The following SIPA1L3 variants were observed in gnomAD, a reference collection of about 807,000 sequenced individuals.
The protein encoded by SIPA1L3 is signal-induced proliferation-associated 1-like protein 3.
A neutral mutation model predicts 150.1 loss-of-function variants in SIPA1L3; 59 were observed. That is an observed-to-expected ratio of 0.39 (90% CI 0.32 to 0.49). The LOEUF is 0.49. Ranked by LOEUF, SIPA1L3 falls within the 20% of genes least tolerant of loss-of-function variation. SIPA1L3 has a pLI of 0.86. For missense variants in SIPA1L3, 2,211 were observed against 2,489.5 expected, an observed-to-expected ratio of 0.89 and a Z score of 2.38; for synonymous variants, 1,070 against 1,077.6, an observed-to-expected ratio of 0.99 and a Z score of 0.14.
intron 2 of SIPA1L3, among the ~76,000 whole-genome samples, chr19:38,056,023 C>T (rs188014092): frequency 2.0e-5 from 3 of 152,362 alleles, no homozygotes; most frequent in African/African-American, 4.8e-5. Context: ...CCCTCCCGCT[C>T]GAGTCTGAAC....
chr19:38,085,395 G>T (rs923651657), intron 3 of SIPA1L3, among the ~76,000 whole-genome samples: 3 of 150,882 alleles, frequency 2.0e-5, no homozygotes, highest in Non-Finnish European at 4.4e-5. Context: ...CAGGAGAATG[G>T]CATGAACCCG....
chr19:38,114,870 C>T (rs1359357255), intron 8 of SIPA1L3, among the ~76,000 whole-genome samples: 1 of 152,156 alleles, frequency 6.6e-6, no homozygotes, highest in Non-Finnish European at 1.5e-5. Flanking sequence ...CGCAGTAGCT[C>T]CCACACTGGT....
chr19:38,137,134 G>GC (rs1568570090), intron 10 of SIPA1L3, among the ~76,000 whole-genome samples: 3 of 152,152 alleles, frequency 2.0e-5, no homozygotes, highest in African/African-American at 7.2e-5. Flanking sequence ...CAGCCATCTG[G>GC]CCCCGCAGCC....
rs1973211790 is a variant in SIPA1L3, at chr19:38,206,301, T to C, written c.*61T>C. Reference sequence around the variant, plus strand: ...TCAGGCCGTGGCCCTGCTGCCTCTCTCCCTCCACTCAGCTCCCAGCTGCCG... The same window carrying C: ...TCAGGCCGTGGCCCTGCTGCCTCTCCCCCTCCACTCAGCTCCCAGCTGCCG... On this transcript the variant is annotated 3_prime_UTR_variant, in exon 22 of 22. Transcript: ENST00000222345. 1 of 1,482,608 alleles carries C rather than the reference T, an allele frequency of 6.7e-7. No homozygotes were observed. The highest frequency in any genetic ancestry group is 1.4e-5 in the African/African-American group (1 of 71,576). The allele number at this position is 1,482,608 out of a possible 1,614,324, so 91.8% of individuals were successfully genotyped here. A position where few individuals can be genotyped will look rare whatever the true frequency, so the allele number is the denominator to read the frequency against.
At chr19:37,993,519 G>C (rs1377510501) in intron 1 of SIPA1L3, among the ~76,000 whole-genome samples, 3 of 152,114 alleles carry the variant, frequency 2.0e-5, no homozygotes, top group African/African-American at 7.2e-5. Flanking sequence ...TTTTAGTAGA[G>C]ACAGCGTTTC....
intron 12 of SIPA1L3, among the ~76,000 whole-genome samples, chr19:38,151,065 C>A (rs1388694750): frequency 1.3e-5 from 2 of 152,198 alleles, no homozygotes; most frequent in East Asian, 1.9e-4. Flanking sequence ...TCTCTTCCAC[C>A]ATCAGAGTGG....
intron 1 of SIPA1L3, among the ~76,000 whole-genome samples, chr19:38,007,315 T>C (rs1967968900): frequency 6.6e-6 from 1 of 151,890 alleles, no homozygotes; most frequent in Non-Finnish European, 1.5e-5. Context: ...TAGCCAGGCG[T>C]GATGGCACGC....
Position 38,122,026 on chromosome 19 carries a change from G to C in SIPA1L3, c.2868+2144G>C, listed in dbSNP as rs527935476. Among the ~76,000 whole-genome samples the C allele has an allele frequency of 3.3e-5, 5 of 151,802 alleles. No homozygotes were observed. In the South Asian group the frequency reaches 8.3e-4, roughly 25 times the overall value. Reference sequence around the variant, plus strand: ...ATTTCAGGTCAGGGGTTCAAGACCAGCCTGGCCAACATGGTAAAACCTCAT... The same window carrying C: ...ATTTCAGGTCAGGGGTTCAAGACCACCCTGGCCAACATGGTAAAACCTCAT... On this transcript the variant is annotated intron_variant, in intron 9 of 21. Transcript: ENST00000222345.
At chr19:38,100,942 G>A (rs987429443) in intron 5 of SIPA1L3, 110 bp from the exon 6 acceptor site, 13 of 1,278,704 alleles carry the variant, frequency 1.0e-5, no homozygotes, top group Admixed American at 3.4e-5. Context: ...CTGGGTTCCC[G>A]AGTGGTCCCA....
At chr19:38,198,782 CAAAACACCACGTGT>C (rs1482396100) in intron 19 of SIPA1L3, among the ~76,000 whole-genome samples, 7 of 152,326 alleles carry the variant, frequency 4.6e-5, no homozygotes, top group Non-Finnish European at 1.5e-5. Flanking sequence ...GACGATTACA[CAAAACACCACGTGT>C]AAAACACGTG....
At chr19:38,058,261 G>A (rs1013510208) in intron 2 of SIPA1L3, among the ~76,000 whole-genome samples, 4 of 152,198 alleles carry the variant, frequency 2.6e-5, no homozygotes, top group African/African-American at 9.7e-5. Context: ...CTTGAGAAGA[G>A]CTTCACATCC....
At chr19:38,105,523 C>A (rs1970603095) in intron 6 of SIPA1L3, among the ~76,000 whole-genome samples, 1 of 152,176 alleles carries the variant, frequency 6.6e-6, no homozygotes, top group African/African-American at 2.4e-5. Flanking sequence ...CTCTTCCTAG[C>A]CATAACCCTC....
chr19:38,069,404 C>T (rs769582509), intron 2 of SIPA1L3, among the ~76,000 whole-genome samples: 2 of 152,188 alleles, frequency 1.3e-5, no homozygotes, highest in Non-Finnish European at 2.9e-5. Context: ...ACCACACCTG[C>T]GCTCCAGCCT....
At chr19:38,007,650 A>G (rs1039489922) in intron 1 of SIPA1L3, among the ~76,000 whole-genome samples, 2 of 151,614 alleles carry the variant, frequency 1.3e-5, no homozygotes, top group African/African-American at 4.8e-5. Context: ...TGCTTAACTT[A>G]AGCATACCCT....
intron 2 of SIPA1L3, among the ~76,000 whole-genome samples, chr19:38,031,722 G>A (rs1221618580): frequency 6.6e-6 from 1 of 152,116 alleles, no homozygotes; most frequent in African/African-American, 2.4e-5. Context: ...CTATCTTGGG[G>A]CACTCCAGGC....
intron 19 of SIPA1L3, chr19:38,199,783 T>A (rs959299014): frequency 5.9e-5 from 9 of 152,184 alleles, no homozygotes; most frequent in Non-Finnish European, 8.8e-5. Flanking sequence ...GCAATTCACA[T>A]AAGTGGAAAA....
At position 37,938,403 on chromosome 19, in the gene SIPA1L3, A is replaced by G. The variant is rs564539288; in HGVS notation, c.-379+31045A>G. ...GCCAGATATTACTGAGCTGCTCTTT[A>G]AACATCCCACCAAGGATGAGTTTCT... On this transcript the variant is annotated intron_variant, in intron 1 of 21. Coordinates refer to ENST00000222345, the MANE Select transcript of SIPA1L3 (RefSeq NM_015073.3). 2.0e-5 allele frequency among the ~76,000 whole-genome samples: 3 copies of G among 152,296 alleles called. No individual in the cohort carries two copies. In the South Asian group the frequency reaches 6.2e-4, roughly 32 times the overall value.
chr19:38,018,910 T>A (rs1968301959), intron 1 of SIPA1L3, among the ~76,000 whole-genome samples: 2 of 152,188 alleles, frequency 1.3e-5, no homozygotes, highest in South Asian at 4.1e-4. Flanking sequence ...ATTGAATGAA[T>A]GACTCAACAT....
At chr19:38,134,031 TG>T (rs1347186672) in intron 10 of SIPA1L3, among the ~76,000 whole-genome samples, 1 of 151,826 alleles carries the variant, frequency 6.6e-6, no homozygotes, top group Non-Finnish European at 1.5e-5. Flanking sequence ...TTGCCCAGAC[TG>T]CAGTGCAGTG....
Sources: gnomAD v4.1 joint callset for allele counts (sites outside exome capture counted in the v4.1 genomes callset) on GRCh38, gnomAD v4.1.1 for gene constraint, MANE v1.5 for transcripts, NCBI Gene and HGNC (gene_info 2026-07-23, HGNC 2026-07-21) for gene names.